SCML4: variants seen among roughly 807,000 people sequenced by gnomAD.
The protein encoded by SCML4 is Scm polycomb group protein like 4.
In SCML4, 34 loss-of-function variants were observed where a neutral mutation model predicts 41.1. The ratio of observed to expected loss-of-function variants is 0.83; its 90% CI spans 0.63 to 1.10. The LOEUF (loss-of-function observed/expected upper bound fraction) is 1.10. SCML4 is among the 50% of genes least tolerant of loss of function. The probability of loss-of-function intolerance (pLI) is 0.00; values close to 1 mark genes in which losing one functional copy is unlikely to be tolerated. For missense variants in SCML4, 522 were observed against 534.1 expected (o/e 0.98, Z 0.22); for synonymous variants, 214 against 220.9 (o/e 0.97, Z 0.28).
chr6:107,826,370 T>C (rs947102465), upstream of SCML4, among the ~76,000 whole-genome samples: 2 of 152,304 alleles, frequency 1.3e-5, no homozygotes, highest in South Asian at 2.1e-4. Flanking sequence ...ACAGCATCTC[T>C]GTCCCAGCGA....
At chr6:107,806,123 A>G (rs193289878) in intron 1 of SCML4, among the ~76,000 whole-genome samples, 1 of 152,330 alleles carries the variant, frequency 6.6e-6, no homozygotes, top group African/African-American at 2.4e-5. Flanking sequence ...CACACAACAA[A>G]GGTCCAGAAA....
upstream of SCML4, chr6:107,824,403 ACCAG>A (rs1785160223): frequency 2.0e-5 from 3 of 152,062 alleles, no homozygotes; most frequent in Admixed American, 2.0e-4. Context: ...TGTCCGGAAA[ACCAG>A]CCAACCACTG....
the SCML4 span, among the ~76,000 whole-genome samples, chr6:107,833,842 G>A: frequency 3.3e-5 from 5 of 152,280 alleles, no homozygotes; most frequent in South Asian, 8.3e-4. Flanking sequence ...CCATGACCTC[G>A]GTCCAGAAGC....
chr6:107,827,833 T>C (rs1294726566), upstream of SCML4, among the ~76,000 whole-genome samples: 1 of 152,204 alleles, frequency 6.6e-6, no homozygotes, highest in Non-Finnish European at 1.5e-5. Context: ...GTAGCCTCCA[T>C]TTGAAGAGTA....
At chr6:107,763,861 C>T (rs9400144) in intron 2 of SCML4, among the ~76,000 whole-genome samples, 146,213 of 152,274 alleles carry the variant, frequency 0.96, 70,494 homozygotes, top group Non-Finnish European at 1. Context: ...AATTAATTTC[C>T]ATATTGAAGC....
upstream of SCML4, among the ~76,000 whole-genome samples, chr6:107,827,132 T>C (rs1330401863): frequency 6.7e-6 from 1 of 148,296 alleles, no homozygotes; most frequent in Non-Finnish European, 1.5e-5. Context: ...TTAAATATGT[T>C]ATTCAAAATA....
the SCML4 span, among the ~76,000 whole-genome samples, chr6:107,837,910 T>C: frequency 4.0e-5 from 6 of 149,044 alleles, no homozygotes; most frequent in East Asian, 3.9e-4. Flanking sequence ...ATTTTCTTTT[T>C]TTTTTTTTTT....
At chr6:107,827,351 T>C (rs1228737650), upstream of SCML4, among the ~76,000 whole-genome samples, 2 of 148,338 alleles carry the variant, frequency 1.3e-5, no homozygotes, top group Admixed American at 6.7e-5. Flanking sequence ...ATTTTTTACT[T>C]AAATTTTTTT....
chr6:107,711,382 T>C (rs1429122777), intron 6 of SCML4, among the ~76,000 whole-genome samples: 1 of 152,246 alleles, frequency 6.6e-6, no homozygotes, highest in Admixed American at 6.5e-5. Context: ...TTCTAGTTCC[T>C]ATCGCCTAGT....
intron 1 of SCML4, among the ~76,000 whole-genome samples, chr6:107,778,282 G>A (rs1347230241): frequency 7.7e-6 from 1 of 130,554 alleles, no homozygotes; most frequent in Non-Finnish European, 1.6e-5. Context: ...GAATGCCCAG[G>A]ATCCTAGAGG....
At chr6:107,834,934 T>C in the SCML4 span, among the ~76,000 whole-genome samples, 2 of 81,396 alleles carry the variant, frequency 2.5e-5, no homozygotes, top group African/African-American at 8.3e-5. Flanking sequence ...AGAGACCCTG[T>C]CTGAAAAAAA....
chr6:107,758,004 T>G (rs187590008), intron 2 of SCML4, among the ~76,000 whole-genome samples: 75 of 152,320 alleles, frequency 4.9e-4, no homozygotes, highest in Admixed American at 1.9e-3. Context: ...GTGTTGCTTA[T>G]GTAATACCTA....
At position 107,813,485 on chromosome 6, in the gene SCML4, G is replaced by A. The variant is rs1784357041; in HGVS notation, c.-60+10641C>T. ...GTCCGCTGAAAACACGCTTCAGATG[G>A]TGTGACTGGATACATTTTGAAGCTG... On this transcript the variant is annotated intron_variant, in intron 1 of 7. Coordinates refer to ENST00000369020, the MANE Select transcript of SCML4 (RefSeq NM_198081.5). 2.7e-5 allele frequency among the ~76,000 whole-genome samples: 4 copies of A among 147,730 alleles called. No homozygotes were observed. In the South Asian group the frequency reaches 8.6e-4, roughly 32 times the overall value.
At chr6:107,842,689 C>T in the SCML4 span, among the ~76,000 whole-genome samples, 8 of 152,320 alleles carry the variant, frequency 5.3e-5, no homozygotes, top group African/African-American at 9.6e-5. Context: ...CCACTGCACC[C>T]GGCCTGGTCT....
upstream of SCML4, among the ~76,000 whole-genome samples, chr6:107,827,502 C>A (rs1168004111): frequency 6.6e-6 from 1 of 151,730 alleles, no homozygotes; most frequent in Admixed American, 6.6e-5. Flanking sequence ...GTTTTTAATT[C>A]CAAGAAAAAT....
chr6:107,704,638 C>G lies in SCML4; in HGVS notation c.*562G>C, dbSNP rs1476611569. ...CACAGTACTTCAGATTTTCTAGGAA[C>G]AGAAAAGATTTTTTTTTTTTTCCTT... On this transcript the variant is annotated 3_prime_UTR_variant, in exon 8 of 8. Transcript: ENST00000369020. The G allele has an allele frequency of 6.4e-6, 1 of 156,450 alleles. No homozygotes were observed. Among genetic ancestry groups the G allele is most frequent in the Non-Finnish European group, 1.4e-5 (1 of 71,748 alleles). The allele number at this position is 156,450 out of a possible 1,614,324, so 9.7% of individuals were successfully genotyped here.
chr6:107,803,191 TGCCTGGCC>T (rs1435939747), intron 1 of SCML4, among the ~76,000 whole-genome samples: 4 of 143,190 alleles, frequency 2.8e-5, no homozygotes, highest in African/African-American at 1.0e-4. Flanking sequence ...GGAGCGTCTC[TGCCTGGCC>T]GCCCATCGTC....
At chr6:107,728,932 C>T (rs912555344) in intron 5 of SCML4, among the ~76,000 whole-genome samples, 71 of 152,270 alleles carry the variant, frequency 4.7e-4, no homozygotes, top group African/African-American at 1.4e-3. Context: ...TGGATCTGTT[C>T]AAACCCGATT....
At chr6:107,837,925 T>TTTTTTTG in the SCML4 span, among the ~76,000 whole-genome samples, 1 of 129,166 alleles carries the variant, frequency 7.7e-6, no homozygotes. Flanking sequence ...TTTTTTTTTT[T>TTTTTTTG]GAGATGGAGT....
Sources: gnomAD v4.1 joint callset for allele counts (sites outside exome capture counted in the v4.1 genomes callset) on GRCh38, gnomAD v4.1.1 for gene constraint, MANE v1.5 for transcripts, NCBI Gene and HGNC (gene_info 2026-07-23, HGNC 2026-07-21) for gene names.